Variants in HERC3 observed in about 807,000 individuals in gnomAD.
HERC3 encodes the protein probable E3 ubiquitin-protein ligase HERC3.
In HERC3, 58 loss-of-function variants were observed where a neutral mutation model predicts 129.9. The ratio of observed to expected loss-of-function variants is 0.45; its 90% CI spans 0.36 to 0.56. The LOEUF is 0.56. HERC3 is among the 20% of genes least tolerant of loss of function. The pLI is 0.00. For synonymous variants in HERC3, 430 were observed against 451.0 expected (o/e 0.95, Z 0.59); for missense variants, 835 against 1,244.2 (o/e 0.67, Z 4.95).
intron 3 of HERC3, among the ~76,000 whole-genome samples, chr4:88,634,107 C>T (rs1364557649): frequency 6.8e-6 from 1 of 146,106 alleles, no homozygotes; most frequent in African/African-American, 2.5e-5. Flanking sequence ...GGTGCGGCGG[C>T]CCACCTGAGA....
intron 3 of HERC3, among the ~76,000 whole-genome samples, chr4:88,622,005 C>A (rs575336987): frequency 1.3e-5 from 2 of 152,254 alleles, no homozygotes; most frequent in South Asian, 4.2e-4. Flanking sequence ...AATTTGCATA[C>A]CACATGATTT....
intron 23 of HERC3, chr4:88,697,836 G>A: frequency 1.3e-6 from 2 of 1,493,696 alleles, no homozygotes; most frequent in South Asian, 1.4e-5. Flanking sequence ...TCTTGCGGAT[G>A]CGGCAAGTGG....
At chr4:88,682,328 T>C (rs1578307957) in intron 21 of HERC3, among the ~76,000 whole-genome samples, 1 of 152,178 alleles carries the variant, frequency 6.6e-6, no homozygotes, top group African/African-American at 2.4e-5. Flanking sequence ...CATTTTATTT[T>C]TTTTAAATTA....
At chr4:88,581,321 A>T in the HERC3 span, among the ~76,000 whole-genome samples, 1 of 150,380 alleles carries the variant, frequency 6.6e-6, no homozygotes, top group Non-Finnish European at 1.5e-5. Flanking sequence ...TTTTTTTGAG[A>T]CGGAGTTTCG....
chr4:88,553,784 C>T, the HERC3 span, among the ~76,000 whole-genome samples: 1 of 152,150 alleles, frequency 6.6e-6, no homozygotes. Context: ...GGCCTGCCTG[C>T]CTTGGCCTCC....
chr4:88,612,656 A>G (rs1359902890), intron 3 of HERC3, among the ~76,000 whole-genome samples: 1 of 152,118 alleles, frequency 6.6e-6, no homozygotes, highest in Non-Finnish European at 1.5e-5. Context: ...TCCCCGACAA[A>G]GCAGACAGAG....
At chr4:88,692,903 A>G in intron 23 of HERC3, 1 of 985,456 alleles carries the variant, frequency 1.0e-6, no homozygotes, top group Non-Finnish European at 1.2e-6. Context: ...CGCCCTAGGA[A>G]GAAAAATGAC....
chr4:88,587,288 T>C, the HERC3 span, among the ~76,000 whole-genome samples: 1 of 152,342 alleles, frequency 6.6e-6, no homozygotes, highest in Admixed American at 6.5e-5. Flanking sequence ...TCTTCTGAGG[T>C]ATGCTAAAGG....
intron 2 of HERC3, among the ~76,000 whole-genome samples, chr4:88,599,282 C>T (rs190726282): frequency 1.6e-4 from 24 of 151,980 alleles, no homozygotes; most frequent in South Asian, 1.0e-3. Flanking sequence ...TCTTTAGTTC[C>T]GGCAGAGCAT....
intron 23 of HERC3, chr4:88,690,617 T>C: frequency 1.0e-6 from 1 of 985,322 alleles, no homozygotes; most frequent in Non-Finnish European, 1.2e-6. Flanking sequence ...ATGAATGACC[T>C]AGTGCAGGAA....
rs768748207 is a variant in HERC3 at position 88,704,503 on chromosome 4, GAC to G, written c.2842-3_2842-2del. 1 of 1,583,676 alleles carries G rather than the reference GAC, an allele frequency of 6.3e-7. No homozygotes were observed. Among genetic ancestry groups the G allele is most frequent in the South Asian group, 1.1e-5 (1 of 89,768 alleles). On this transcript the variant is annotated splice_region_variant and splice_polypyrimidine_tract_variant and intron_variant, in intron 24 of 25. Transcript: ENST00000402738. Reference sequence around the variant, plus strand: ...CATTTTTTTCTTTTTCTCTTTTTTGGACAGACTGCCATCTACAAGGGAGATTA... The same window carrying G: ...CATTTTTTTCTTTTTCTCTTTTTTGGAGACTGCCATCTACAAGGGAGATTA...
chr4:88,699,775 T>G (rs1452440279), intron 23 of HERC3, among the ~76,000 whole-genome samples: 1 of 152,226 alleles, frequency 6.6e-6, no homozygotes, highest in East Asian at 1.9e-4. Context: ...TTTCAAGATT[T>G]TTATTTTCCT....
intron 3 of HERC3, among the ~76,000 whole-genome samples, chr4:88,646,364 C>T (rs551127266): frequency 3.9e-5 from 6 of 152,316 alleles, no homozygotes; most frequent in South Asian, 2.1e-4. Context: ...TCCAGCTGAA[C>T]GGCAGACTTG....
At chr4:88,585,148 T>G in the HERC3 span, among the ~76,000 whole-genome samples, 1 of 152,192 alleles carries the variant, frequency 6.6e-6, no homozygotes, top group Non-Finnish European at 1.5e-5. Context: ...AGGGTCTCTT[T>G]TATGTGGGCA....
chr4:88,571,048 G>A, the HERC3 span, among the ~76,000 whole-genome samples: 2,437 of 152,042 alleles, frequency 0.016, 76 homozygotes, highest in African/African-American at 0.056. Flanking sequence ...GTGAGCCACC[G>A]TGCCCGGCCT....
intron 3 of HERC3, among the ~76,000 whole-genome samples, chr4:88,618,051 A>G (rs190027014): frequency 1.3e-5 from 2 of 152,312 alleles, no homozygotes; most frequent in Admixed American, 6.5e-5. Context: ...AGAGAAAGGA[A>G]CGATAGGAAA....
At chr4:88,616,945 C>G (rs2972026) in intron 3 of HERC3, among the ~76,000 whole-genome samples, 1 of 152,026 alleles carries the variant, frequency 6.6e-6, no homozygotes, top group Non-Finnish European at 1.5e-5. Flanking sequence ...TAAGATTTTT[C>G]TGGGCCTCAT....
rs1460285499 is a variant in HERC3 at position 88,598,054 on chromosome 4, T to C, written c.-30+2440T>C. 2.0e-5 allele frequency: 3 copies of C among 152,220 alleles called. No individual in the cohort carries two copies. In the East Asian group the frequency reaches 5.8e-4, roughly 29 times the overall value. 9.4% of individuals were successfully genotyped at this position (152,220 alleles called of 1,614,324 possible). ...TTTGGACATTGTCTTTTCCTGCTGT[T>C]GAAAGAGACCCTCTTCATATATACA... On this transcript the variant is annotated intron_variant, in intron 2 of 25. Coordinates refer to ENST00000402738, the MANE Select transcript of HERC3 (RefSeq NM_014606.3).
chr4:88,695,365 A>G (rs964729337), intron 23 of HERC3, among the ~76,000 whole-genome samples: 10 of 152,146 alleles, frequency 6.6e-5, no homozygotes, highest in African/African-American at 2.4e-4. Context: ...ATGGCATCTG[A>G]TTTTTTAATT....
Sources: allele counts gnomAD v4.1 joint callset (sites outside exome capture counted in the v4.1 genomes callset), GRCh38; gene constraint gnomAD v4.1.1; transcripts MANE v1.5; gene names NCBI Gene and HGNC (gene_info 2026-07-23, HGNC 2026-07-21).